FASTKD2: variants seen among roughly 807,000 people sequenced by gnomAD.
FASTKD2 encodes the protein FAST kinase domain-containing protein 2, mitochondrial.
In FASTKD2, 51 loss-of-function variants were observed where a neutral mutation model predicts 63.6. The ratio of observed to expected loss-of-function variants is 0.80; its 90% CI spans 0.64 to 1.01. The LOEUF (loss-of-function observed/expected upper bound fraction) is 1.01. Among genes scored for constraint, FASTKD2 ranks in the 50% least tolerant of loss-of-function variants. The pLI is 0.00. For synonymous variants in FASTKD2, 284 were observed against 293.4 expected, an observed-to-expected ratio of 0.97 and a Z score of 0.33; for missense variants, 786 against 831.1, an observed-to-expected ratio of 0.95 and a Z score of 0.67.
intron 7 of FASTKD2, among the ~76,000 whole-genome samples, chr2:206,775,619 G>T (rs780373589): frequency 6.6e-6 from 1 of 151,686 alleles, no homozygotes; most frequent in Non-Finnish European, 1.5e-5. Context: ...TGGTATCAGG[G>T]TAATACTGGA....
intron 11 of FASTKD2, 125 bp from the exon 12 acceptor site, chr2:206,791,558 A>G (rs368097990): frequency 1.2e-6 from 1 of 828,046 alleles, no homozygotes; most frequent in Admixed American, 1.8e-5. Flanking sequence ...ATGAGTAGTT[A>G]TAAGGTCACA....
rs1019521579 is a variant in FASTKD2, at chr2:206,794,436, C to T, written c.*2634C>T. On this transcript the variant is annotated 3_prime_UTR_variant, in exon 12 of 12. Coordinates refer to ENST00000402774, the MANE Select transcript of FASTKD2 (RefSeq NM_001136193.2). ...TTTTTAGATTTTTAAAGATGGGGCCCTGCTATGTTACCCAGGCTAGCTTCA... is the reference window on the plus strand; with the variant it reads ...TTTTTAGATTTTTAAAGATGGGGCCTTGCTATGTTACCCAGGCTAGCTTCA... Among the ~76,000 whole-genome samples the T allele has an allele frequency of 2.6e-5, 4 of 151,944 alleles. No homozygotes were observed. The highest frequency in any genetic ancestry group is 4.8e-5 in the African/African-American group (2 of 41,360).
At chr2:206,780,253 C>T (rs1331891898) in intron 7 of FASTKD2, among the ~76,000 whole-genome samples, 3 of 151,994 alleles carry the variant, frequency 2.0e-5, no homozygotes, top group African/African-American at 4.8e-5. Flanking sequence ...TGTGTTTTTT[C>T]ATTTCACCTG....
At chr2:206,766,533 G>A (rs374592169) in intron 1 of FASTKD2, 111 bp from the exon 2 acceptor site, 3 of 668,170 alleles carry the variant, frequency 4.5e-6, no homozygotes. Context: ...TTATGTAAAT[G>A]TTTAATGGCT....
chr2:206,791,900 C>A lies in FASTKD2; in HGVS notation c.*98C>A. 3 of 1,097,196 alleles carry A rather than the reference C, an allele frequency of 2.7e-6. No individual in the cohort carries two copies. Among genetic ancestry groups the A allele is most frequent in the Non-Finnish European group, 4.0e-6 (3 of 746,506 alleles). The allele number at this position is 1,097,196 out of a possible 1,614,324, so 68.0% of individuals were successfully genotyped here. A position where few individuals can be genotyped will look rare whatever the true frequency, so the allele number is the denominator to read the frequency against. ...AATGGAATTGAGCTATCTGCTAAGA[C>A]AAAAAATGTTACCTCAGTTCACTAT... is the stretch of plus-strand genomic sequence containing the variant. On this transcript the variant is annotated 3_prime_UTR_variant, in exon 12 of 12. Coordinates refer to ENST00000402774, the MANE Select transcript of FASTKD2 (RefSeq NM_001136193.2).
At chr2:206,773,672 A>AGTTTATAGAAAGAG (rs1689747875) in intron 6 of FASTKD2, among the ~76,000 whole-genome samples, 1 of 152,174 alleles carries the variant, frequency 6.6e-6, no homozygotes, top group Admixed American at 6.5e-5. Context: ...ATAGAAAGAG[A>AGTTTATAGAAAGAG]AGTAATAATC....
At chr2:206,768,644 G>A (rs1474667894) in intron 2 of FASTKD2, among the ~76,000 whole-genome samples, 3 of 152,194 alleles carry the variant, frequency 2.0e-5, no homozygotes, top group Non-Finnish European at 4.4e-5. Context: ...AAGCTGCCGT[G>A]AGCCATGATC....
rs1334986361 is a variant in FASTKD2 at position 206,795,320 on chromosome 2, G to A, written c.*3518G>A. On this transcript the variant is annotated 3_prime_UTR_variant, in exon 12 of 12. Transcript: ENST00000402774. ...GTGATCTCAGCTCACTGCAAGCTCC[G>A]CCTCCTGGGTTCAAGCCATTCTCCT... 1.3e-5 allele frequency among the ~76,000 whole-genome samples: 2 copies of A among 152,080 alleles called. No individual in the cohort carries two copies. The highest frequency in any genetic ancestry group is 4.1e-4 in the South Asian group (2 of 4,820).
At chr2:206,777,875 T>C (rs1212614798) in intron 7 of FASTKD2, among the ~76,000 whole-genome samples, 2 of 152,220 alleles carry the variant, frequency 1.3e-5, no homozygotes, top group South Asian at 4.1e-4. Flanking sequence ...GATTCAGTCT[T>C]GGTAGGTTGT....
chr2:206,771,862 G>A (rs1187549974), intron 4 of FASTKD2, 32 bp from the exon 5 acceptor site: 3 of 1,491,330 alleles, frequency 2.0e-6, no homozygotes, highest in Non-Finnish European at 1.9e-6. Context: ...GTCACAGATA[G>A]TAAATTAAAT....
intron 7 of FASTKD2, among the ~76,000 whole-genome samples, chr2:206,779,584 A>T (rs1689914199): frequency 1.3e-5 from 2 of 152,094 alleles, no homozygotes; most frequent in Non-Finnish European, 2.9e-5. Context: ...CTCTTGTGAG[A>T]ACTCCGTCAC....
intron 2 of FASTKD2, 68 bp downstream of exon 2, chr2:206,767,538 A>G (rs1244686147): frequency 1.6e-6 from 2 of 1,223,156 alleles, no homozygotes; most frequent in Non-Finnish European, 2.4e-6. Flanking sequence ...ATGAAGGGAT[A>G]TAGATATGTA....
intron 7 of FASTKD2, among the ~76,000 whole-genome samples, chr2:206,782,110 C>T (rs1690002079): frequency 6.6e-6 from 1 of 152,144 alleles, no homozygotes; most frequent in African/African-American, 2.4e-5. Context: ...GTTAGTATTC[C>T]ACGTGAGTTT....
In FASTKD2 at chr2:206,771,942, C is replaced by A. The variant is rs1689693830; in HGVS notation, c.1039C>A (p.His347Asn). ...LDRFSVLNSQ[H>N]MFEVLAAMNH... ...CAGATTTTCTGTTTTGAATAGCCAA[C>A]ACATGTTTGAAGTACTAGCTGCCAT... is the stretch of plus-strand genomic sequence containing the variant. The change falls in exon 5 of 12, where the codon CAC (histidine) becomes AAC (asparagine). Residue 347 changes from histidine to asparagine, a missense_variant. Physicochemically the swap from His to Asn is moderately conservative, Grantham distance 68. Transcript: ENST00000402774. 6.2e-7 allele frequency: 1 copy of A among 1,610,886 alleles called. No homozygotes were observed. The highest frequency in any genetic ancestry group is 1.3e-5 in the African/African-American group (1 of 74,986).
At chr2:206,783,998 G>A (rs1003049908) in intron 7 of FASTKD2, among the ~76,000 whole-genome samples, 2 of 152,078 alleles carry the variant, frequency 1.3e-5, no homozygotes, top group Non-Finnish European at 2.9e-5. Flanking sequence ...ATCCAGCCCC[G>A]GATGTTAGTA....
At chr2:206,780,560 GAC>G (rs1482750264) in intron 7 of FASTKD2, among the ~76,000 whole-genome samples, 4 of 152,064 alleles carry the variant, frequency 2.6e-5, no homozygotes, top group African/African-American at 4.8e-5. Context: ...TTTGAATTTT[GAC>G]AGTTTGATTA....
chr2:206,774,266 A>T lies in FASTKD2; in HGVS notation c.1296A>T (p.Arg432=). The T allele has an allele frequency of 5.0e-6, 8 of 1,612,112 alleles. No homozygotes were observed. The highest frequency in any genetic ancestry group is 6.8e-6 in the Non-Finnish European group (8 of 1,178,734). The change falls in exon 7 of 12, where the codon CGA becomes CGT. Residue 432 remains arginine (R), a synonymous_variant. Coordinates refer to ENST00000402774, the MANE Select transcript of FASTKD2 (RefSeq NM_001136193.2). ...ILILFENLGF[R]PVGLMDLFMK... ...TTTTATTTGAAAACCTTGGCTTTCGACCTGTTGGTTTAATGGACCTGTTTA... is the reference window on the plus strand; with the variant it reads ...TTTTATTTGAAAACCTTGGCTTTCGTCCTGTTGGTTTAATGGACCTGTTTA...
At chr2:206,767,986 A>G (rs1349947795) in intron 2 of FASTKD2, among the ~76,000 whole-genome samples, 1 of 152,138 alleles carries the variant, frequency 6.6e-6, no homozygotes, top group African/African-American at 2.4e-5. Context: ...AGAATGATGG[A>G]GTTGTATGTT....
intron 5 of FASTKD2, 82 bp downstream of exon 5, chr2:206,772,099 T>G: frequency 3.1e-6 from 5 of 1,597,336 alleles, no homozygotes; most frequent in Non-Finnish European, 4.3e-6. Flanking sequence ...AAAACTTTGC[T>G]TTTATATGAA....
Sources: allele counts gnomAD v4.1 joint callset (sites outside exome capture counted in the v4.1 genomes callset), GRCh38; gene constraint gnomAD v4.1.1; transcripts MANE v1.5; gene names NCBI Gene and HGNC (gene_info 2026-07-23, HGNC 2026-07-21).